TAFA4: variants seen among roughly 807,000 people sequenced by gnomAD.
The protein encoded by TAFA4 is chemokine-like protein TAFA-4.
Under a neutral mutation model 21.1 loss-of-function variants are expected in TAFA4, and 20 were observed. That is an observed-to-expected ratio of 0.95 (90% CI 0.67 to 1.38). TAFA4 has a LOEUF of 1.38. Among genes scored for constraint, TAFA4 ranks in the 40% most tolerant of loss-of-function variants. The pLI, the probability that TAFA4 is intolerant of heterozygous loss-of-function variation, is 0.00. For synonymous variants in TAFA4, 71 were observed against 67.4 expected, an observed-to-expected ratio of 1.05 and a Z score of -0.26; for missense variants, 211 against 180.9, an observed-to-expected ratio of 1.17 and a Z score of -0.95.
chr3:68,841,850 T>C (rs760710797), intron 3 of TAFA4, among the ~76,000 whole-genome samples: 2 of 152,188 alleles, frequency 1.3e-5, no homozygotes, highest in African/African-American at 4.8e-5. Context: ...TCCAGCTTCA[T>C]CCATATCCCT....
intron 3 of TAFA4, among the ~76,000 whole-genome samples, chr3:68,834,946 C>T (rs1313851492): frequency 6.6e-6 from 1 of 152,028 alleles, no homozygotes; most frequent in Non-Finnish European, 1.5e-5. Context: ...ATTCTGTCTC[C>T]CTCTGCTCAA....
chr3:68,809,919 C>G (rs1703795687), intron 3 of TAFA4, among the ~76,000 whole-genome samples: 1 of 152,146 alleles, frequency 6.6e-6, no homozygotes, highest in Non-Finnish European at 1.5e-5. Context: ...TCCCCTTGGT[C>G]TATGTATCTG....
chr3:68,755,312 T>C (rs1702640914), intron 3 of TAFA4, among the ~76,000 whole-genome samples: 1 of 152,224 alleles, frequency 6.6e-6, no homozygotes, highest in Non-Finnish European at 1.5e-5. Flanking sequence ...TGAGCTAACT[T>C]AATGCAAAGA....
chr3:68,855,440 G>T (rs1048564738), intron 3 of TAFA4, among the ~76,000 whole-genome samples: 1 of 152,056 alleles, frequency 6.6e-6, no homozygotes, highest in South Asian at 2.1e-4. Flanking sequence ...CAAACATTCT[G>T]TATAATAGTA....
chr3:68,733,659 T>C (rs1261057337), intron 5 of TAFA4, among the ~76,000 whole-genome samples: 1 of 152,224 alleles, frequency 6.6e-6, no homozygotes, highest in African/African-American at 2.4e-5. Context: ...GGCTCATTGC[T>C]TGTGATCTAA....
chr3:68,804,591 G>C (rs1445747959), intron 3 of TAFA4, among the ~76,000 whole-genome samples: 1 of 152,146 alleles, frequency 6.6e-6, no homozygotes, highest in Non-Finnish European at 1.5e-5. Flanking sequence ...CATGGTACTG[G>C]TACCAAAACA....
At chr3:68,753,653 A>G (rs1267024310) in intron 3 of TAFA4, among the ~76,000 whole-genome samples, 4 of 152,032 alleles carry the variant, frequency 2.6e-5, no homozygotes, top group Non-Finnish European at 5.9e-5. Flanking sequence ...TGATTTTAAG[A>G]GAGGCAGTGT....
At chr3:68,855,176 A>C (rs576702959) in intron 3 of TAFA4, among the ~76,000 whole-genome samples, 1 of 152,228 alleles carries the variant, frequency 6.6e-6, no homozygotes, top group African/African-American at 2.4e-5. Flanking sequence ...CCAACACCAA[A>C]GAGTTCAATT....
At chr3:68,733,549 A>AT (rs948173746) in intron 5 of TAFA4, among the ~76,000 whole-genome samples, 13 of 152,120 alleles carry the variant, frequency 8.5e-5, no homozygotes, top group African/African-American at 3.1e-4. Flanking sequence ...TTTTTATGTT[A>AT]TTTTTTATGC....
intron 3 of TAFA4, among the ~76,000 whole-genome samples, chr3:68,781,469 T>C (rs1367361115): frequency 6.6e-6 from 1 of 151,974 alleles, no homozygotes; most frequent in East Asian, 1.9e-4. Context: ...ATATTGATAA[T>C]AAAAGGAAAA....
intron 3 of TAFA4, among the ~76,000 whole-genome samples, chr3:68,785,374 G>A (rs945641977): frequency 3.3e-5 from 5 of 152,232 alleles, no homozygotes; most frequent in Admixed American, 1.3e-4. Flanking sequence ...CTGCGCTCTC[G>A]TCGGGGAGGC....
rs111496082 is a variant in TAFA4, at chr3:68,897,149, G to A, written c.-122-11839C>T. ...ACTCATGACCTCAAGTGATCCGCCC[G>A]CCTCGACCTCCCAAAGTGCTGGGAT... is the stretch of plus-strand genomic sequence containing the variant. On this transcript the variant is annotated intron_variant, in intron 1 of 5. Coordinates refer to ENST00000295569, the MANE Select transcript of TAFA4 (RefSeq NM_182522.5). 4.7e-4 allele frequency among the ~76,000 whole-genome samples: 72 copies of A among 151,934 alleles called. 1 individual carries two copies. The highest frequency in any genetic ancestry group is 1.5e-3 in the African/African-American group (63 of 41,482).
At chr3:68,814,968 A>G (rs1374757130) in intron 3 of TAFA4, among the ~76,000 whole-genome samples, 3 of 152,214 alleles carry the variant, frequency 2.0e-5, no homozygotes, top group African/African-American at 7.2e-5. Flanking sequence ...AAACAGAGAT[A>G]TAGACCAATG....
At chr3:68,748,460 G>T (rs959756028) in intron 4 of TAFA4, among the ~76,000 whole-genome samples, 6 of 152,148 alleles carry the variant, frequency 3.9e-5, no homozygotes, top group Non-Finnish European at 5.9e-5. Flanking sequence ...TTGAAAAAGT[G>T]GGCCGGGTGC....
intron 1 of TAFA4, among the ~76,000 whole-genome samples, chr3:68,890,405 T>C (rs1296012710): frequency 1.3e-5 from 2 of 152,192 alleles, no homozygotes; most frequent in Non-Finnish European, 2.9e-5. Context: ...ATTGAGAGCT[T>C]ATTGCCAATT....
At chr3:68,849,363 G>A (rs1021415384) in intron 3 of TAFA4, among the ~76,000 whole-genome samples, 10 of 152,028 alleles carry the variant, frequency 6.6e-5, no homozygotes, top group East Asian at 1.9e-4. Context: ...CCCATTTATC[G>A]CCCAGGCTTC....
chr3:68,738,786 C>G (rs968344541), intron 5 of TAFA4, among the ~76,000 whole-genome samples: 3 of 152,134 alleles, frequency 2.0e-5, no homozygotes, highest in African/African-American at 4.8e-5. Context: ...ATTGGCCTGT[C>G]GACTCTGAAA....
rs1702295506 is a variant in TAFA4 at position 68,739,057 on chromosome 3, C to A, written c.411+18G>T. On this transcript the variant is annotated intron_variant, in intron 5 of 5. Coordinates refer to ENST00000295569, the MANE Select transcript of TAFA4 (RefSeq NM_182522.5). Reference sequence around the variant, plus strand: ...GTTGATAACTTGTAAATTGTAGTTGCATTTTGTCTATACTTGCCTTCGTAG... The same window carrying A: ...GTTGATAACTTGTAAATTGTAGTTGAATTTTGTCTATACTTGCCTTCGTAG... 4 of 1,610,546 alleles carry A rather than the reference C, an allele frequency of 2.5e-6. No homozygotes were observed. The highest frequency in any genetic ancestry group is 1.7e-6 in the Non-Finnish European group (2 of 1,178,878).
intron 3 of TAFA4, among the ~76,000 whole-genome samples, chr3:68,777,352 C>T (rs1703066542): frequency 6.6e-6 from 1 of 152,024 alleles, no homozygotes; most frequent in African/African-American, 2.4e-5. Context: ...TCCAAGAAAA[C>T]ATTCTGTGTA....
Sources: gnomAD v4.1 joint callset for allele counts (sites outside exome capture counted in the v4.1 genomes callset) on GRCh38, gnomAD v4.1.1 for gene constraint, MANE v1.5 for transcripts, NCBI Gene and HGNC (gene_info 2026-07-23, HGNC 2026-07-21) for gene names.